CAPS2: variants seen among roughly 807,000 people sequenced by gnomAD.
CAPS2 encodes calcyphosin-2.
A neutral mutation model predicts 86.5 loss-of-function variants in CAPS2; 98 were observed. The ratio of observed to expected loss-of-function variants is 1.13; its 90% confidence interval spans 0.96 to 1.34. The LOEUF is 1.34. Ranked by LOEUF, CAPS2 falls within the 40% of genes most tolerant of loss-of-function variation. The probability of loss-of-function intolerance (pLI) is 0.00; values close to 1 mark genes in which losing one functional copy is unlikely to be tolerated. For synonymous variants in CAPS2, 210 were observed against 225.1 expected (o/e 0.93, Z 0.60); for missense variants, 729 against 686.8 (o/e 1.06, Z -0.69).
upstream of CAPS2, chr12:75,329,746 A>C (rs769583145): frequency 6.0e-6 from 7 of 1,171,172 alleles, no homozygotes; most frequent in Non-Finnish European, 8.3e-6. Flanking sequence ...AACTTAGGTC[A>C]TTCCTAATTT....
At chr12:75,325,976 C>T (rs1201057730) in intron 1 of CAPS2, among the ~76,000 whole-genome samples, 1 of 152,094 alleles carries the variant, frequency 6.6e-6, no homozygotes, top group Non-Finnish European at 1.5e-5. Flanking sequence ...ATAAAAATTA[C>T]AGCAAGCTTA....
chr12:75,293,140 A>G (rs1275453282), intron 12 of CAPS2, 109 bp downstream of exon 12: 1 of 700,562 alleles, frequency 1.4e-6, no homozygotes, highest in South Asian at 1.9e-5. Flanking sequence ...TTTTCAAAAT[A>G]TAAACCTTAA....
chr12:75,328,518 G>A (rs2040998566), upstream of CAPS2, among the ~76,000 whole-genome samples: 1 of 152,156 alleles, frequency 6.6e-6, no homozygotes, highest in South Asian at 2.1e-4. Flanking sequence ...TCAAGACCAA[G>A]AAGGTTGGCG....
rs750679806 is a variant in CAPS2 at position 75,284,942 on chromosome 12, G to T, written c.1515+19C>A. ...ATCTATTAAAAATAACAATTTGAAAGATTACTTAACAAAGTTACCTTTCGA... is the reference window on the plus strand; with the variant it reads ...ATCTATTAAAAATAACAATTTGAAATATTACTTAACAAAGTTACCTTTCGA... On this transcript the variant is annotated intron_variant, in intron 15 of 16. Coordinates refer to ENST00000393284, the Ensembl canonical transcript of CAPS2. 1.3e-6 allele frequency: 2 copies of T among 1,577,586 alleles called. No individual in the cohort carries two copies. The highest frequency in any genetic ancestry group is 1.7e-6 in the Non-Finnish European group (2 of 1,157,470).
chr12:75,306,190 T>C, intron 7 of CAPS2: 2 of 768,000 alleles, frequency 2.6e-6, no homozygotes, highest in Non-Finnish European at 2.2e-6. Context: ...GCCCGGCCCC[T>C]ACGTGGAGCA....
At chr12:75,347,683 G>C (rs1395187582) in intron 1 of CAPS2, 1 of 1,606,798 alleles carries the variant, frequency 6.2e-7, no homozygotes, top group Non-Finnish European at 8.5e-7. Flanking sequence ...AACCTTGGGG[G>C]AGCTTCAACT....
At chr12:75,276,911 A>G, downstream of CAPS2, 3 of 984,568 alleles carry the variant, frequency 3.0e-6, no homozygotes, top group Non-Finnish European at 3.6e-6. Flanking sequence ...GGATTTCAAA[A>G]GTCAGTTGTG....
intron 14 of CAPS2, among the ~76,000 whole-genome samples, chr12:75,285,610 A>G (rs1013446288): frequency 2.0e-5 from 3 of 151,848 alleles, no homozygotes; most frequent in Non-Finnish European, 2.9e-5. Flanking sequence ...TTCCTTGTAT[A>G]CCACCCCTCT....
intron 1 of CAPS2, among the ~76,000 whole-genome samples, chr12:75,386,667 G>C (rs2045309466): frequency 6.6e-6 from 1 of 152,000 alleles, no homozygotes; most frequent in African/African-American, 2.4e-5. Flanking sequence ...TCAAACAATA[G>C]CAAAAATACA....
intron 13 of CAPS2, among the ~76,000 whole-genome samples, 178 bp downstream of exon 13, chr12:75,291,566 A>AATATAT (rs1565793383): frequency 1.7e-4 from 7 of 41,812 alleles, no homozygotes; most frequent in Non-Finnish European, 1.6e-4. Flanking sequence ...TATTTTTAAA[A>AATATAT]GTATATATAT....
chr12:75,388,599 G>T (rs1385246430), intron 1 of CAPS2, among the ~76,000 whole-genome samples: 2 of 151,468 alleles, frequency 1.3e-5, no homozygotes, highest in Admixed American at 1.3e-4. Flanking sequence ...AAACTATGAA[G>T]ACAGTAAAAA....
intron 1 of CAPS2, chr12:75,360,805 G>C (rs977331313): frequency 6.6e-6 from 1 of 152,188 alleles, no homozygotes; most frequent in African/African-American, 2.4e-5. Context: ...CCCTAGTAGA[G>C]GTTCTCCATG....
intron 7 of CAPS2, chr12:75,305,791 C>G: frequency 1.4e-6 from 1 of 732,934 alleles, no homozygotes; most frequent in Non-Finnish European, 2.5e-6. Context: ...AGGATGTCGT[C>G]GGCAGCTACA....
chr12:75,334,610 C>T (rs2041578794), upstream of CAPS2: 3 of 1,490,030 alleles, frequency 2.0e-6, no homozygotes, highest in Admixed American at 2.4e-5. Flanking sequence ...TGGGCTCGAG[C>T]CTGTGCGGCA....
chr12:75,336,440 A>G (rs2041744597), intron 1 of CAPS2, among the ~76,000 whole-genome samples: 1 of 151,816 alleles, frequency 6.6e-6, no homozygotes, highest in African/African-American at 2.4e-5. Flanking sequence ...GAAACATATC[A>G]CAAATAGATT....
intron 7 of CAPS2, among the ~76,000 whole-genome samples, chr12:75,309,391 C>T (rs959529852): frequency 1.5e-4 from 23 of 152,198 alleles, no homozygotes; most frequent in Admixed American, 8.5e-4. Flanking sequence ...TGGAACTACA[C>T]GGCACCATCC....
intron 1 of CAPS2, among the ~76,000 whole-genome samples, chr12:75,344,616 G>A (rs985574862): frequency 2.0e-5 from 3 of 151,970 alleles, no homozygotes; most frequent in African/African-American, 7.2e-5. Flanking sequence ...TCAATAGATT[G>A]ATTTTTCTCT....
chr12:75,276,780 A>C (rs2033010025), downstream of CAPS2: 1 of 888,466 alleles, frequency 1.1e-6, no homozygotes, highest in African/African-American at 1.8e-5. Flanking sequence ...TAACTTACAA[A>C]GACATAGAGA....
intron 1 of CAPS2, among the ~76,000 whole-genome samples, chr12:75,385,754 G>C (rs1393033685): frequency 1.3e-5 from 2 of 152,174 alleles, no homozygotes; most frequent in Non-Finnish European, 1.5e-5. Flanking sequence ...AAGGTTGCAG[G>C]ATACGAGGTT....
Sources: allele counts gnomAD v4.1 joint callset (sites outside exome capture counted in the v4.1 genomes callset), GRCh38; gene constraint gnomAD v4.1.1; transcripts MANE v1.5; gene names NCBI Gene and HGNC (gene_info 2026-07-23, HGNC 2026-07-21).